PRKCB: variants seen among roughly 807,000 people sequenced by gnomAD.
PRKCB encodes the protein protein kinase C beta, also known as protein kinase C beta type.
PRKCB carries 13 observed loss-of-function variants against 81.5 expected under a neutral mutation model. The observed-to-expected ratio is 0.16, with a 90% CI of 0.10 to 0.25. PRKCB has a LOEUF of 0.25. Among genes scored for constraint, PRKCB ranks in the 10% least tolerant of loss-of-function variants. PRKCB has a pLI of 1.00. For synonymous variants in PRKCB, 335 were observed against 321.4 expected (o/e 1.04, Z -0.45); for missense variants, 509 against 875.7 (o/e 0.58, Z 5.29).
At chr16:24,193,369 G>A (rs934319026) in intron 16 of PRKCB, among the ~76,000 whole-genome samples, 8 of 151,646 alleles carry the variant, frequency 5.3e-5, no homozygotes, top group South Asian at 2.1e-4. Context: ...CACTTGAACC[G>A]AGGAGGTGGA....
intron 16 of PRKCB, among the ~76,000 whole-genome samples, chr16:24,198,702 A>G (rs1180447963): frequency 1.3e-5 from 2 of 152,252 alleles, no homozygotes; most frequent in Admixed American, 6.5e-5. Context: ...ACATGGCTCT[A>G]GTATTCTTTT....
At chr16:23,981,695 C>G (rs1313076829) in intron 2 of PRKCB, among the ~76,000 whole-genome samples, 7 of 81,118 alleles carry the variant, frequency 8.6e-5, no homozygotes, top group Non-Finnish European at 1.5e-4. Flanking sequence ...TTCCCTTCCC[C>G]TTCCCTTCCC....
chr16:24,038,727 G>T (rs576081076), intron 5 of PRKCB, among the ~76,000 whole-genome samples: 13 of 152,372 alleles, frequency 8.5e-5, no homozygotes, highest in Non-Finnish European at 1.8e-4. Flanking sequence ...TGGGAAAAGA[G>T]AAGTGAAGGA....
intron 2 of PRKCB, among the ~76,000 whole-genome samples, chr16:23,979,030 C>A (rs901254488): frequency 2.6e-5 from 4 of 152,088 alleles, no homozygotes; most frequent in African/African-American, 9.7e-5. Flanking sequence ...GTGTACAGGC[C>A]GCATGGGGTG....
intron 2 of PRKCB, among the ~76,000 whole-genome samples, chr16:23,869,551 C>T (rs1205071947): frequency 2.6e-5 from 4 of 152,130 alleles, no homozygotes; most frequent in Admixed American, 2.0e-4. Context: ...TTCTAACTTA[C>T]ATCATATTTT....
chr16:23,970,532 T>A (rs1034054299), intron 2 of PRKCB, among the ~76,000 whole-genome samples: 2 of 152,218 alleles, frequency 1.3e-5, no homozygotes, highest in African/African-American at 4.8e-5. Context: ...AACCCTCACT[T>A]TTTTTACTTT....
At chr16:23,994,572 C>A (rs995408922) in intron 3 of PRKCB, among the ~76,000 whole-genome samples, 11 of 152,220 alleles carry the variant, frequency 7.2e-5, no homozygotes, top group African/African-American at 2.4e-4. Flanking sequence ...CCCACCATAT[C>A]CCTTATTCAG....
At chr16:24,056,420 G>C (rs1158026557) in intron 5 of PRKCB, among the ~76,000 whole-genome samples, 1 of 152,226 alleles carries the variant, frequency 6.6e-6, no homozygotes, top group Non-Finnish European at 1.5e-5. Context: ...GGGCAACAAT[G>C]CCCACTGGGT....
chr16:24,146,908 A>G (rs1338426628), intron 9 of PRKCB, among the ~76,000 whole-genome samples: 1 of 152,114 alleles, frequency 6.6e-6, no homozygotes, highest in Non-Finnish European at 1.5e-5. Flanking sequence ...ACTGCTTGAG[A>G]CAATTAATAA....
intron 2 of PRKCB, among the ~76,000 whole-genome samples, chr16:23,842,040 C>G (rs1230382585): frequency 6.6e-6 from 1 of 152,116 alleles, no homozygotes; most frequent in Non-Finnish European, 1.5e-5. Context: ...AACTGCCAGC[C>G]TCAAGCCAGG....
At chr16:23,982,096 T>A (rs1204637389) in intron 2 of PRKCB, among the ~76,000 whole-genome samples, 1 of 10,164 alleles carries the variant, frequency 9.8e-5, no homozygotes, top group Non-Finnish European at 1.7e-4. Flanking sequence ...TTCCCTTTCC[T>A]TTTCCCTTCC....
intron 10 of PRKCB, among the ~76,000 whole-genome samples, chr16:24,159,994 A>C (rs1967228622): frequency 6.6e-6 from 1 of 152,030 alleles, no homozygotes; most frequent in Non-Finnish European, 1.5e-5. Context: ...CAAAAAATAA[A>C]ATAAAATAAA....
At chr16:24,112,302 G>A (rs582161) in intron 7 of PRKCB, among the ~76,000 whole-genome samples, 67,042 of 152,038 alleles carry the variant, frequency 0.44, 16,264 homozygotes, top group Non-Finnish European at 0.54. Context: ...GATAGGGTGA[G>A]AAGATCACTT....
intron 3 of PRKCB, among the ~76,000 whole-genome samples, chr16:24,030,536 A>C (rs1965537735): frequency 6.6e-6 from 1 of 152,112 alleles, no homozygotes; most frequent in African/African-American, 2.4e-5. Flanking sequence ...TCTTATAAGG[A>C]GAGCACTAGC....
intron 10 of PRKCB, among the ~76,000 whole-genome samples, chr16:24,163,757 T>TGA (rs2141960078): frequency 6.6e-6 from 1 of 152,366 alleles, no homozygotes; most frequent in South Asian, 2.1e-4. Flanking sequence ...TTGCATGGAC[T>TGA]TGACATGCGT....
rs114599551 is a variant in PRKCB at position 23,952,893 on chromosome 16, G to A, written c.206-35615G>A. ...AGCTATGGGAGTGTTTGGATACCAT[G>A]CCGCCTGAATTGGCAGGTTTAGGAG... On this transcript the variant is annotated intron_variant, in intron 2 of 16. Coordinates refer to ENST00000643927, the MANE Select transcript of PRKCB (RefSeq NM_002738.7). Among the ~76,000 whole-genome samples, 891 of 152,286 alleles carry A rather than the reference G, an allele frequency of 5.9e-3. 7 individuals carry two copies. The highest frequency in any genetic ancestry group is 0.019 in the African/African-American group (805 of 41,550).
chr16:24,110,337 G>A (rs1387429303), intron 7 of PRKCB, among the ~76,000 whole-genome samples: 2 of 150,562 alleles, frequency 1.3e-5, no homozygotes, highest in African/African-American at 4.9e-5. Flanking sequence ...TCAGCCTCCC[G>A]AATAGCTGGG....
chr16:24,119,534 C>G (rs1383625662), intron 8 of PRKCB, among the ~76,000 whole-genome samples: 1 of 151,938 alleles, frequency 6.6e-6, no homozygotes, highest in Non-Finnish European at 1.5e-5. Flanking sequence ...AGAATGGAGA[C>G]TGTGAATCAG....
chr16:24,040,378 T>C (rs1289995656), intron 5 of PRKCB, among the ~76,000 whole-genome samples: 1 of 152,234 alleles, frequency 6.6e-6, no homozygotes, highest in African/African-American at 2.4e-5. Flanking sequence ...CATTGCCATC[T>C]TCTCTTTTTC....
Sources: gnomAD v4.1 joint callset for allele counts (sites outside exome capture counted in the v4.1 genomes callset) on GRCh38, gnomAD v4.1.1 for gene constraint, MANE v1.5 for transcripts, NCBI Gene and HGNC (gene_info 2026-07-23, HGNC 2026-07-21) for gene names.